The following CACNA2D3 variants were observed in gnomAD, a reference collection of about 807,000 sequenced individuals.
CACNA2D3 encodes the protein voltage-dependent calcium channel subunit alpha-2/delta-3.
CACNA2D3 carries 60 observed loss-of-function variants against 160.6 expected under a neutral mutation model. The observed-to-expected ratio is 0.37, with a 90% CI of 0.30 to 0.46. CACNA2D3 has a LOEUF of 0.46. Among genes scored for constraint, CACNA2D3 ranks in the 20% least tolerant of loss-of-function variants. The pLI, the probability that CACNA2D3 is intolerant of heterozygous loss-of-function variation, is 1.00. For missense variants in CACNA2D3, 1,205 were observed against 1,365.0 expected (o/e 0.88, Z 1.85); for synonymous variants, 558 against 492.9 (o/e 1.13, Z -1.75).
chr3:54,376,933 T>C (rs1279590943), intron 3 of CACNA2D3, among the ~76,000 whole-genome samples: 1 of 152,218 alleles, frequency 6.6e-6, no homozygotes, highest in Non-Finnish European at 1.5e-5. Context: ...GATTTTTCTC[T>C]GCATCAAATT....
intron 13 of CACNA2D3, among the ~76,000 whole-genome samples, chr3:54,805,961 A>C (rs2106684482): frequency 6.6e-6 from 1 of 152,316 alleles, no homozygotes; most frequent in South Asian, 2.1e-4. Flanking sequence ...CCACATGATT[A>C]TCTCAATAGA....
chr3:54,611,478 C>A (rs1337695608), intron 9 of CACNA2D3, among the ~76,000 whole-genome samples: 1 of 152,194 alleles, frequency 6.6e-6, no homozygotes, highest in Non-Finnish European at 1.5e-5. Context: ...TTGTCTTTGT[C>A]TTTAAGATCC....
chr3:54,830,284 T>C (rs1180192186), intron 14 of CACNA2D3, among the ~76,000 whole-genome samples: 1 of 151,958 alleles, frequency 6.6e-6, no homozygotes, highest in African/African-American at 2.4e-5. Flanking sequence ...TCTCTTTTCA[T>C]AATGTCTCGT....
intron 11 of CACNA2D3, among the ~76,000 whole-genome samples, chr3:54,739,352 A>G (rs1282596831): frequency 6.8e-6 from 1 of 147,372 alleles, no homozygotes; most frequent in Non-Finnish European, 1.5e-5. Flanking sequence ...CCTGGGAGGC[A>G]GAGGTTGCAG....
intron 11 of CACNA2D3, among the ~76,000 whole-genome samples, chr3:54,667,843 A>G (rs1207798281): frequency 1.3e-5 from 2 of 151,970 alleles, no homozygotes; most frequent in Admixed American, 1.3e-4. Flanking sequence ...GCTACTTGAG[A>G]GGCTAAAGCA....
At chr3:54,802,153 G>T (rs1322698083) in intron 13 of CACNA2D3, among the ~76,000 whole-genome samples, 1 of 152,052 alleles carries the variant, frequency 6.6e-6, no homozygotes, top group African/African-American at 2.4e-5. Context: ...TAATAGCAAG[G>T]GGTTAGCTGA....
At chr3:54,999,072 G>T (rs1411487662) in intron 31 of CACNA2D3, among the ~76,000 whole-genome samples, 1 of 152,186 alleles carries the variant, frequency 6.6e-6, no homozygotes, top group African/African-American at 2.4e-5. Context: ...CTAATTTCCA[G>T]TTGGAGGGCT....
intron 4 of CACNA2D3, among the ~76,000 whole-genome samples, chr3:54,410,599 T>C (rs1382401158): frequency 2.0e-5 from 3 of 152,186 alleles, no homozygotes; most frequent in Non-Finnish European, 4.4e-5. Context: ...GTTTACTGAA[T>C]ATTTTAAGCC....
intron 4 of CACNA2D3, among the ~76,000 whole-genome samples, chr3:54,463,020 C>T (rs947587452): frequency 2.0e-5 from 3 of 151,516 alleles, no homozygotes; most frequent in Non-Finnish European, 4.4e-5. Flanking sequence ...TATTTTATTT[C>T]TCCTTCACTT....
intron 31 of CACNA2D3, 118 bp from the exon 32 acceptor site, chr3:55,004,645 C>T (rs1703050843): frequency 3.0e-6 from 2 of 673,908 alleles, no homozygotes; most frequent in South Asian, 1.8e-5. Context: ...GTTAGGGCTG[C>T]ATGGTGTTTG....
In CACNA2D3 at chr3:54,670,187, GACAT is replaced by G. The variant is rs575642278; in HGVS notation, c.1167+27951_1167+27954del. On this transcript the variant is annotated intron_variant, in intron 11 of 37. Coordinates refer to ENST00000474759, the MANE Select transcript of CACNA2D3 (RefSeq NM_018398.3). Reference sequence around the variant, plus strand: ...CGTTTTCTGTCACTTGTCTGATTTGGACATACATTTTCCTATTCTCTCCTGCCCA... The same window carrying G: ...CGTTTTCTGTCACTTGTCTGATTTGGACATTTTCCTATTCTCTCCTGCCCA... Among the ~76,000 whole-genome samples, 21 of 152,182 alleles carry G rather than the reference GACAT, an allele frequency of 1.4e-4. No individual in the cohort carries two copies. The South Asian group carries it at 4.4e-3, about 32-fold the overall frequency.
intron 14 of CACNA2D3, 25 bp downstream of exon 14, chr3:54,816,895 A>G: frequency 6.2e-7 from 1 of 1,613,340 alleles, no homozygotes; most frequent in Non-Finnish European, 8.5e-7. Flanking sequence ...GTCACATTCC[A>G]GTCACCCCCA....
intron 4 of CACNA2D3, among the ~76,000 whole-genome samples, chr3:54,494,439 G>C (rs1326677762): frequency 6.6e-6 from 1 of 152,144 alleles, no homozygotes; most frequent in Non-Finnish European, 1.5e-5. Context: ...TGCATTCTGG[G>C]CAGCGCAGAT....
intron 18 of CACNA2D3, among the ~76,000 whole-genome samples, chr3:54,873,845 C>G (rs749431057): frequency 1.3e-5 from 2 of 152,210 alleles, no homozygotes; most frequent in Non-Finnish European, 2.9e-5. Flanking sequence ...CCATTTCTCT[C>G]CTGGGGATTT....
chr3:54,538,851 T>C (rs1186311535), intron 5 of CACNA2D3, among the ~76,000 whole-genome samples: 2 of 152,198 alleles, frequency 1.3e-5, no homozygotes, highest in Admixed American at 6.5e-5. Context: ...TATGAATTTG[T>C]CTTAGTTTTG....
intron 14 of CACNA2D3, among the ~76,000 whole-genome samples, chr3:54,828,668 GT>G (rs1241413176): frequency 2.6e-5 from 4 of 152,168 alleles, no homozygotes; most frequent in Non-Finnish European, 5.9e-5. Context: ...TCTTCAGTTT[GT>G]TAAGAAGAGA....
At chr3:54,207,416 T>C (rs1428948071) in intron 2 of CACNA2D3, among the ~76,000 whole-genome samples, 1 of 147,178 alleles carries the variant, frequency 6.8e-6, no homozygotes, top group Non-Finnish European at 1.5e-5. Context: ...TTGACACCAC[T>C]GTAATCCGGG....
At position 55,009,359 on chromosome 3, in the gene CACNA2D3, A is replaced by C. The variant is rs747515859; in HGVS notation, c.2820-29A>C. On this transcript the variant is annotated intron_variant, in intron 33 of 37. Coordinates refer to ENST00000474759, the MANE Select transcript of CACNA2D3 (RefSeq NM_018398.3). The stretch of plus-strand genomic sequence containing the variant: ...GTGATATGGGCATGGATGACGAAGT[A>C]ACATTGGGCTTTTCCACGATCTGTT... The C allele has an allele frequency of 2.5e-6, 4 of 1,606,602 alleles. No individual in the cohort carries two copies. The African/African-American group carries it at 5.3e-5, about 21-fold the overall frequency.
At chr3:54,675,566 G>T (rs1700230356) in intron 11 of CACNA2D3, among the ~76,000 whole-genome samples, 1 of 152,130 alleles carries the variant, frequency 6.6e-6, no homozygotes. Flanking sequence ...AGTGGGCAGG[G>T]ATGAGTCTAG....
Sources: allele counts gnomAD v4.1 joint callset (sites outside exome capture counted in the v4.1 genomes callset), GRCh38; gene constraint gnomAD v4.1.1; transcripts MANE v1.5; gene names NCBI Gene and HGNC (gene_info 2026-07-23, HGNC 2026-07-21).